Variants in NOL11 observed in about 807,000 individuals in gnomAD.
NOL11 encodes nucleolar protein 11.
A neutral mutation model predicts 93.0 loss-of-function variants in NOL11; 42 were observed. The ratio of observed to expected loss-of-function variants is 0.45; its 90% CI spans 0.35 to 0.58. NOL11 has a LOEUF of 0.58. NOL11 is among the 20% of genes least tolerant of loss of function. The probability of loss-of-function intolerance (pLI) is 0.00; values close to 1 mark genes in which losing one functional copy is unlikely to be tolerated. For synonymous variants in NOL11, 296 were observed against 293.7 expected (o/e 1.01, Z -0.08); for missense variants, 775 against 841.8 (o/e 0.92, Z 0.98).
At chr17:67,736,620 A>ACATTCCAGAAACATTCCAGAAAT in intron 9 of NOL11, 46 bp from the exon 10 acceptor site, 1 of 1,291,128 alleles carries the variant, frequency 7.7e-7, no homozygotes, top group East Asian at 2.4e-5. Flanking sequence ...TTGGGCAAAA[A>ACATTCCAGAAACATTCCAGAAAT]GTAAGTCAAA....
Position 67,738,939 on chromosome 17 carries a change from A to G in NOL11, c.1771A>G (p.Ile591Val). Residue 591 changes from isoleucine to valine, a missense_variant, in exon 15 of 18, where the codon ATT (isoleucine) becomes GTT (valine). This residue lies in a region of NOL11 where 416 missense variants were observed against 525.2 expected (regional missense o/e 0.79). Transcript: ENST00000253247. ...TTTTCCTTTAGTCCTAAGTAATGCA[A>G]TTCTTCATTCAGCATATAGCGAGAC... Reference protein sequence around the residue: ...VQKRAALLNAILHSAYSETFL... With the variant: ...VQKRAALLNAVLHSAYSETFL... 1.2e-6 allele frequency: 2 copies of G among 1,608,490 alleles called. No individual in the cohort carries two copies. Among genetic ancestry groups the G allele is most frequent in the African/African-American group, 1.3e-5 (1 of 74,920 alleles).
chr17:67,719,507 C>T, intron 1 of NOL11, 167 bp from the exon 2 acceptor site: 2 of 462,588 alleles, frequency 4.3e-6, no homozygotes, highest in East Asian at 8.2e-5. Flanking sequence ...GATTTGCCCA[C>T]CTTGACCTCT....
chr17:67,738,427 G>T, intron 14 of NOL11, 72 bp downstream of exon 14: 1 of 910,144 alleles, frequency 1.1e-6, no homozygotes, highest in Non-Finnish European at 1.7e-6. Context: ...AGTAACCAAG[G>T]AGTAACTCAA....
intron 7 of NOL11, among the ~76,000 whole-genome samples, chr17:67,729,843 T>C (rs541648752): frequency 6.6e-6 from 1 of 152,304 alleles, no homozygotes; most frequent in African/African-American, 2.4e-5. Flanking sequence ...CCTCCCAAAG[T>C]GCCGGGATTA....
intron 7 of NOL11, among the ~76,000 whole-genome samples, chr17:67,729,874 C>T (rs887516715): frequency 4.6e-5 from 7 of 152,152 alleles, no homozygotes; most frequent in East Asian, 1.9e-4. Context: ...CCACCGCGCC[C>T]GGCCCATCAT....
rs766541940 is a variant in NOL11, at chr17:67,737,092, G to A, written c.1165G>A (p.Val389Met). The A allele has an allele frequency of 5.0e-6, 8 of 1,610,726 alleles. No homozygotes were observed. The South Asian group carries it at 7.7e-5, about 15-fold the overall frequency. ...CCAGTTAAGGAGACGAAAAATTGAA[G>A]TGAGTTTACAGCCAGAGGTTCCACC... ...RRILRRRKIEVSLQPEVPPSK... is the reference protein window; with the variant it reads ...RRILRRRKIEMSLQPEVPPSK... Residue 389 changes from valine (V) to methionine (M), a missense_variant, in exon 11 of 18, where the codon GTG becomes ATG. Coordinates refer to ENST00000253247, the MANE Select transcript of NOL11 (RefSeq NM_015462.5).
chr17:67,728,328 A>G (rs9908477), intron 7 of NOL11, among the ~76,000 whole-genome samples: 3,376 of 152,282 alleles, frequency 0.022, 155 homozygotes, highest in African/African-American at 0.078. Flanking sequence ...TTATCTCATT[A>G]TTTGTATCAT....
chr17:67,721,263 A>G, intron 3 of NOL11, 115 bp from the exon 4 acceptor site: 2 of 632,758 alleles, frequency 3.2e-6, no homozygotes, highest in Non-Finnish European at 2.5e-6. Context: ...TATAAAGCAA[A>G]ATTAATTCAA....
intron 11 of NOL11, 130 bp downstream of exon 11, chr17:67,737,275 G>T: frequency 2.8e-6 from 2 of 704,308 alleles, no homozygotes; most frequent in Non-Finnish European, 2.4e-6. Flanking sequence ...GTATCTTAAG[G>T]GTGTCAGAGT....
At chr17:67,732,151 T>G (rs1314143359) in intron 7 of NOL11, among the ~76,000 whole-genome samples, 1 of 152,214 alleles carries the variant, frequency 6.6e-6, no homozygotes, top group Non-Finnish European at 1.5e-5. Context: ...CAGCAATGTT[T>G]TATAACTTTT....
chr17:67,738,574 G>T, intron 14 of NOL11: 1 of 510,228 alleles, frequency 2.0e-6, no homozygotes. Flanking sequence ...GCTCATGCCT[G>T]TAGTCCCAGC....
intron 6 of NOL11, 59 bp downstream of exon 6, chr17:67,724,252 T>G (rs1423585327): frequency 1.9e-6 from 2 of 1,025,820 alleles, no homozygotes; most frequent in Non-Finnish European, 2.8e-6. Flanking sequence ...TATAGGATAG[T>G]GTATGTTTTT....
Position 67,739,681 on chromosome 17 carries a change from C to T in NOL11, c.1935+73C>T, listed in dbSNP as rs28674651. 6.1e-3 allele frequency: 5,639 copies of T among 922,756 alleles called. 199 individuals are homozygous for T. In the African/African-American group the frequency reaches 0.085, roughly 14 times the overall value. 57.2% of individuals were successfully genotyped at this position (922,756 alleles called of 1,614,324 possible). On this transcript the variant is annotated intron_variant, in intron 16 of 17. Coordinates refer to ENST00000253247, the MANE Select transcript of NOL11 (RefSeq NM_015462.5). ...AAAAAAGTTGTATTCAAGGTCAGCA[C>T]CTGCATTCAAGAGCTGACTTCTTGT...
chr17:67,737,108 AG>A lies in NOL11; in HGVS notation c.1183del (p.Val395PhefsTer11), dbSNP rs772425042. On this transcript the variant is annotated frameshift_variant, in exon 11 of 18. Coordinates refer to ENST00000253247, the MANE Select transcript of NOL11 (RefSeq NM_015462.5). LOFTEE classifies it high-confidence loss of function. The part of the protein sequence containing the change: ...RRKIEVSLQP[E>X]VPPSKQLLST... ...AAAATTGAAGTGAGTTTACAGCCAG[AG>A]GTTCCACCATCCAAACAACTTTTGT... is the stretch of plus-strand genomic sequence containing the variant. 1 of 1,611,560 alleles carries A rather than the reference AG, an allele frequency of 6.2e-7. No individual in the cohort carries two copies. The highest frequency in any genetic ancestry group is 8.5e-7 in the Non-Finnish European group (1 of 1,177,782).
rs2055191619 is a variant in NOL11 at position 67,735,385 on chromosome 17, A to G, written c.931-515A>G. 2.0e-5 allele frequency among the ~76,000 whole-genome samples: 3 copies of G among 151,996 alleles called. No homozygotes were observed. In the South Asian group the frequency reaches 6.2e-4, roughly 32 times the overall value. On this transcript the variant is annotated intron_variant, in intron 8 of 17. Coordinates refer to ENST00000253247, the MANE Select transcript of NOL11 (RefSeq NM_015462.5). ...TAACTATTCACAATTTTTTATTGTG[A>G]ATAAACTCACACTTTTTTATTACAA...
At chr17:67,727,806 A>G (rs2055110908) in intron 7 of NOL11, among the ~76,000 whole-genome samples, 1 of 152,046 alleles carries the variant, frequency 6.6e-6, no homozygotes, top group Non-Finnish European at 1.5e-5. Flanking sequence ...TCTCTACCAA[A>G]AATACAAAAA....
chr17:67,739,489 A>G (rs767047991), intron 15 of NOL11, 27 bp from the exon 16 acceptor site: 11 of 1,385,784 alleles, frequency 7.9e-6, no homozygotes, highest in Non-Finnish European at 1.1e-5. Flanking sequence ...TCAAAATGAT[A>G]AACTATCCAT....
chr17:67,730,863 C>T (rs945836378), intron 7 of NOL11, among the ~76,000 whole-genome samples: 5 of 152,132 alleles, frequency 3.3e-5, no homozygotes, highest in South Asian at 2.1e-4. Context: ...CCACAGTGGC[C>T]GAACCATTTT....
intron 9 of NOL11, 117 bp downstream of exon 9, chr17:67,736,140 G>A (rs1023718943): frequency 3.5e-5 from 34 of 979,408 alleles, no homozygotes; most frequent in Middle Eastern, 3.4e-4. Context: ...GAAATTTACC[G>A]CTGTTTATTG....
Sources: gnomAD v4.1 joint callset for allele counts (sites outside exome capture counted in the v4.1 genomes callset) on GRCh38, gnomAD v4.1.1 for gene constraint, gnomAD v4.1.1 regional missense constraint, MANE v1.5 for transcripts, NCBI Gene and HGNC (gene_info 2026-07-23, HGNC 2026-07-21) for gene names.